Variants in SORCS3 observed in about 807,000 individuals in gnomAD.
The protein encoded by SORCS3 is sortilin related VPS10 domain containing receptor 3.
Under a neutral mutation model 146.3 loss-of-function variants are expected in SORCS3, and 57 were observed. The ratio of observed to expected loss-of-function variants is 0.39; its 90% CI spans 0.31 to 0.49. SORCS3 has a LOEUF of 0.49. Among genes scored for constraint, SORCS3 ranks in the 20% least tolerant of loss-of-function variants. SORCS3 has a pLI of 0.92. For synonymous variants in SORCS3, 653 were observed against 618.5 expected, an observed-to-expected ratio of 1.06 and a Z score of -0.83; for missense variants, 1,341 against 1,575.5, an observed-to-expected ratio of 0.85 and a Z score of 2.52.
At position 105,167,355 on chromosome 10, in the gene SORCS3, G is replaced by C. The variant is rs764917923; in HGVS notation, c.1901+6G>C. 3 of 1,611,082 alleles carry C rather than the reference G, an allele frequency of 1.9e-6. No homozygotes were observed. The highest frequency in any genetic ancestry group is 2.5e-6 in the Non-Finnish European group (3 of 1,177,664). ...CTGCCAGTCAGGCATTTGTGGTAAG[G>C]AGAGCTCCCTACCCTATTAATGAGC... On this transcript the variant is annotated splice_donor_region_variant and intron_variant, in intron 13 of 26. Coordinates refer to ENST00000369701, the MANE Select transcript of SORCS3 (RefSeq NM_014978.3).
intron 13 of SORCS3, among the ~76,000 whole-genome samples, chr10:105,173,063 T>C (rs1419522229): frequency 6.6e-6 from 1 of 152,174 alleles, no homozygotes; most frequent in African/African-American, 2.4e-5. Flanking sequence ...TCTAGATCCA[T>C]CCATCAAAAG....
chr10:104,862,272 C>A (rs2018411661), intron 2 of SORCS3, among the ~76,000 whole-genome samples: 2 of 152,086 alleles, frequency 1.3e-5, no homozygotes, highest in South Asian at 4.2e-4. Context: ...ACAGGTCTGA[C>A]TGGAATCTTT....
chr10:105,167,279 G>C lies in SORCS3; in HGVS notation c.1831G>C (p.Val611Leu), dbSNP rs150989181. ...CCAGATCTTTGATGAAGAGTACAAT[G>C]TCTGGTTCCTAGACTGGGGTGGTGC... The part of the protein sequence containing the change: ...WRQIFDEEYN[V>L]WFLDWGGALV... The change falls in exon 13 of 27, where the codon GTC becomes CTC. Residue 611 changes from valine (V) to leucine (L), a missense_variant. Physicochemically the swap from Val to Leu is conservative, Grantham distance 32. Transcript: ENST00000369701. 1 of 1,613,114 alleles carries C rather than the reference G, an allele frequency of 6.2e-7. No homozygotes were observed. The highest frequency in any genetic ancestry group is 1.3e-5 in the African/African-American group (1 of 74,876).
intron 1 of SORCS3, among the ~76,000 whole-genome samples, chr10:104,831,256 G>T (rs1483001962): frequency 6.6e-6 from 1 of 152,214 alleles, no homozygotes; most frequent in Non-Finnish European, 1.5e-5. Context: ...ACAATCCTGT[G>T]TGGATATCTT....
chr10:104,990,267 A>G (rs2054985649), intron 4 of SORCS3, among the ~76,000 whole-genome samples: 1 of 152,246 alleles, frequency 6.6e-6, no homozygotes, highest in South Asian at 2.1e-4. Flanking sequence ...TCCCAATGGA[A>G]TGAAACTCTA....
In SORCS3 at chr10:104,814,500, A is replaced by G. The variant is rs532681679; in HGVS notation, c.628-28292A>G. Among the ~76,000 whole-genome samples the G allele has an allele frequency of 7.2e-5, 11 of 152,100 alleles. No homozygotes were observed. The East Asian group carries it at 2.1e-3, about 29-fold the overall frequency. On this transcript the variant is annotated intron_variant, in intron 1 of 26. Transcript: ENST00000369701. ...TTCCCTGGAATTTTGCTCCATTCCT[A>G]TCTCCCGCCAATGCATGTCTCTATG...
chr10:104,786,596 G>C (rs1229880391), intron 1 of SORCS3, among the ~76,000 whole-genome samples: 1 of 141,072 alleles, frequency 7.1e-6, no homozygotes, highest in East Asian at 2.0e-4. Flanking sequence ...GATGATAAAA[G>C]AAAGGAAGAA....
chr10:104,756,370 ATGTC>A (rs2017051052), intron 1 of SORCS3, among the ~76,000 whole-genome samples: 1 of 152,236 alleles, frequency 6.6e-6, no homozygotes, highest in Non-Finnish European at 1.5e-5. Flanking sequence ...AAATAAAAGA[ATGTC>A]TGAATAGTCC....
At position 104,962,848 on chromosome 10, in the gene SORCS3, C is replaced by T. The variant is rs190458687; in HGVS notation, c.796-14487C>T. ...GCCACTTAGGAATAACCACTGTTAA[C>T]GTGAATGTTTGTTTCAAGTTATCTA... is the stretch of plus-strand genomic sequence containing the variant. On this transcript the variant is annotated intron_variant, in intron 3 of 26. Transcript: ENST00000369701. Among the ~76,000 whole-genome samples the T allele has an allele frequency of 5.1e-3, 781 of 152,206 alleles. 7 individuals are homozygous for T. The highest frequency in any genetic ancestry group is 5.2e-3 in the Non-Finnish European group (354 of 68,008).
chr10:105,223,206 T>G lies in SORCS3; in HGVS notation c.2825T>G (p.Leu942Arg). Residue 942 changes from leucine (L) to arginine (R), a missense_variant, in exon 20 of 27, where the codon CTG becomes CGG. Transcript: ENST00000369701. ...AGTGCAGTCGTGTGGCCCAGTCAAC[T>G]GGGGACCCTTACCTATTTCTGGTGG... ...NISAVVWPSQ[L>R]GTLTYFWWFG... 1.2e-6 allele frequency: 2 copies of G among 1,613,200 alleles called. No homozygotes were observed. The highest frequency in any genetic ancestry group is 1.7e-6 in the Non-Finnish European group (2 of 1,179,324).
chr10:104,736,544 C>T lies in SORCS3; in HGVS notation c.627+94590C>T, dbSNP rs181909798. On this transcript the variant is annotated intron_variant, in intron 1 of 26. Coordinates refer to ENST00000369701, the MANE Select transcript of SORCS3 (RefSeq NM_014978.3). ...TTAAATTGACATCAATGAATTTAAC[C>T]GTCATGGTTTTGGATATTATTGTCA... Among the ~76,000 whole-genome samples the T allele has an allele frequency of 2.6e-4, 39 of 152,166 alleles. No homozygotes were observed. In the Middle Eastern group the frequency reaches 0.01, roughly 40 times the overall value.
intron 9 of SORCS3, 133 bp from the exon 10 acceptor site, chr10:105,157,005 C>T (rs1053460053): frequency 9.7e-7 from 1 of 1,026,452 alleles, no homozygotes; most frequent in Non-Finnish European, 1.4e-6. Context: ...TCAACGTTTC[C>T]TATCATGTTC....
At chr10:104,738,653 G>A (rs2016805503) in intron 1 of SORCS3, among the ~76,000 whole-genome samples, 1 of 152,180 alleles carries the variant, frequency 6.6e-6, no homozygotes, top group South Asian at 2.1e-4. Flanking sequence ...CACGGGCTTT[G>A]AGGCAGACAC....
chr10:105,038,128 A>C (rs2055317930), intron 4 of SORCS3, among the ~76,000 whole-genome samples: 1 of 152,190 alleles, frequency 6.6e-6, no homozygotes, highest in Admixed American at 6.6e-5. Flanking sequence ...AAAGGAGAGG[A>C]TCTCGATTGG....
chr10:105,069,290 A>G (rs1192161330), intron 5 of SORCS3, among the ~76,000 whole-genome samples: 1 of 152,196 alleles, frequency 6.6e-6, no homozygotes, highest in African/African-American at 2.4e-5. Flanking sequence ...CAGGAAATCC[A>G]CTTATCTTGT....
intron 4 of SORCS3, among the ~76,000 whole-genome samples, chr10:105,018,811 A>T (rs367564726): frequency 6.8e-6 from 1 of 146,574 alleles, no homozygotes; most frequent in African/African-American, 2.5e-5. Flanking sequence ...CTCACTTTCT[A>T]TTACCTCTCT....
intron 1 of SORCS3, among the ~76,000 whole-genome samples, chr10:104,757,873 C>T (rs1476530744): frequency 7.1e-6 from 1 of 140,508 alleles, no homozygotes; most frequent in Middle Eastern, 3.6e-3. Context: ...CCCCCCACAC[C>T]CGCTGCCTTG....
intron 7 of SORCS3, among the ~76,000 whole-genome samples, chr10:105,106,324 C>T (rs1035833071): frequency 2.6e-5 from 4 of 152,190 alleles, no homozygotes; most frequent in African/African-American, 9.7e-5. Context: ...ACCTGAATGA[C>T]CTTCTCTACC....
intron 6 of SORCS3, among the ~76,000 whole-genome samples, chr10:105,098,173 C>T (rs1314560893): frequency 6.6e-6 from 1 of 152,118 alleles, no homozygotes; most frequent in African/African-American, 2.4e-5. Flanking sequence ...TGTGTGAACT[C>T]AGAGCTCTAG....
Sources: allele counts gnomAD v4.1 joint callset (sites outside exome capture counted in the v4.1 genomes callset), GRCh38; gene constraint gnomAD v4.1.1; transcripts MANE v1.5; gene names NCBI Gene and HGNC (gene_info 2026-07-23, HGNC 2026-07-21).